The following NEGR1 variants were observed in gnomAD, a reference collection of about 807,000 sequenced individuals.
NEGR1 encodes neuronal growth regulator 1, also known as IgLON family member 4.
Under a neutral mutation model 40.9 loss-of-function variants are expected in NEGR1, and 10 were observed. The ratio of observed to expected loss-of-function variants is 0.24; its 90% CI spans 0.15 to 0.42. NEGR1 has a LOEUF of 0.42. Ranked by LOEUF, NEGR1 falls within the 10% of genes least tolerant of loss-of-function variation. The pLI, the probability that NEGR1 is intolerant of heterozygous loss-of-function variation, is 1.00. For synonymous variants in NEGR1, 185 were observed against 166.8 expected (o/e 1.11, Z -0.84); for missense variants, 352 against 438.9 (o/e 0.80, Z 1.77).
chr1:72,141,362 G>T (rs1251949067), intron 1 of NEGR1, among the ~76,000 whole-genome samples: 2 of 151,932 alleles, frequency 1.3e-5, no homozygotes, highest in Non-Finnish European at 2.9e-5. Flanking sequence ...TTCCAGTCAT[G>T]ACATGGTATG....
chr1:71,793,362 G>A (rs1657190790), intron 2 of NEGR1, among the ~76,000 whole-genome samples: 1 of 105,166 alleles, frequency 9.5e-6, no homozygotes, highest in Non-Finnish European at 2.0e-5. Context: ...GCCCGCCTCG[G>A]CCTCCCAAAG....
intron 1 of NEGR1, among the ~76,000 whole-genome samples, chr1:72,073,933 AT>A (rs1448329687): frequency 6.6e-6 from 1 of 152,136 alleles, no homozygotes; most frequent in Non-Finnish European, 1.5e-5. Flanking sequence ...ATGATACTGG[AT>A]GCAGGAATAT....
intron 3 of NEGR1, among the ~76,000 whole-genome samples, chr1:71,761,893 A>T (rs549046472): frequency 2.6e-5 from 4 of 152,106 alleles, no homozygotes; most frequent in Non-Finnish European, 5.9e-5. Context: ...TAAAAATATA[A>T]AAGATAGGTA....
chr1:71,771,976 A>G (rs1327675538), intron 3 of NEGR1, among the ~76,000 whole-genome samples: 1 of 152,084 alleles, frequency 6.6e-6, no homozygotes, highest in Admixed American at 6.5e-5. Context: ...CTCCCTACAG[A>G]CTGTTTATTG....
chr1:71,431,216 A>G (rs1000191561), intron 6 of NEGR1, among the ~76,000 whole-genome samples: 2 of 152,006 alleles, frequency 1.3e-5, no homozygotes, highest in African/African-American at 4.8e-5. Context: ...GTAAAAATGT[A>G]TCTGGAAATA....
At chr1:71,896,200 G>T (rs529923) in intron 2 of NEGR1, among the ~76,000 whole-genome samples, 36,792 of 151,824 alleles carry the variant, frequency 0.24, 5,034 homozygotes, top group East Asian at 0.53. Flanking sequence ...ACCATGCCTG[G>T]CTAATTTTTG....
chr1:71,858,982 C>T (rs1659863742), intron 2 of NEGR1, among the ~76,000 whole-genome samples: 1 of 152,018 alleles, frequency 6.6e-6, no homozygotes, highest in Non-Finnish European at 1.5e-5. Context: ...GTCGTTCCTC[C>T]CTGATTTTGG....
At chr1:71,418,139 G>A (rs918850325) in intron 6 of NEGR1, among the ~76,000 whole-genome samples, 1 of 148,060 alleles carries the variant, frequency 6.8e-6, no homozygotes, top group Non-Finnish European at 1.5e-5. Context: ...TGACTCTTGT[G>A]TTGAGATAGA....
At chr1:72,259,576 C>T (rs1451007943) in intron 1 of NEGR1, among the ~76,000 whole-genome samples, 1 of 151,894 alleles carries the variant, frequency 6.6e-6, no homozygotes, top group Non-Finnish European at 1.5e-5. Flanking sequence ...AAGTTTTTTC[C>T]ATCTGTAATT....
At chr1:71,549,510 G>C (rs1398675246) in intron 6 of NEGR1, among the ~76,000 whole-genome samples, 1 of 151,668 alleles carries the variant, frequency 6.6e-6, no homozygotes, top group East Asian at 2.0e-4. Context: ...GGAGAGGAGA[G>C]CCAAAACTGG....
At chr1:71,605,199 T>A (rs1650041133) in intron 5 of NEGR1, among the ~76,000 whole-genome samples, 2 of 152,166 alleles carry the variant, frequency 1.3e-5, no homozygotes, top group Admixed American at 6.5e-5. Context: ...ATACTTTATT[T>A]TTAATTGACC....
rs553171803 is a variant in NEGR1 at position 71,437,769 on chromosome 1, T to C, written c.941-30199A>G. Reference sequence around the variant, plus strand: ...AATTAAATGCCTTAATTTGTGTTTGTCTAAGATACATTTAAAAGATTTGTT... The same window carrying C: ...AATTAAATGCCTTAATTTGTGTTTGCCTAAGATACATTTAAAAGATTTGTT... On this transcript the variant is annotated intron_variant, in intron 6 of 6. Coordinates refer to ENST00000357731, the MANE Select transcript of NEGR1 (RefSeq NM_173808.3). Among the ~76,000 whole-genome samples, 5 of 152,316 alleles carry C rather than the reference T, an allele frequency of 3.3e-5. No homozygotes were observed. In the South Asian group the frequency reaches 1.0e-3, roughly 32 times the overall value.
At chr1:71,425,627 G>T (rs988034810) in intron 6 of NEGR1, among the ~76,000 whole-genome samples, 1 of 152,032 alleles carries the variant, frequency 6.6e-6, no homozygotes, top group Non-Finnish European at 1.5e-5. Context: ...TTGACCAGAA[G>T]ACCTGTGTGC....
intron 4 of NEGR1, among the ~76,000 whole-genome samples, chr1:71,633,661 T>G (rs1651048382): frequency 6.6e-6 from 1 of 152,120 alleles, no homozygotes; most frequent in African/African-American, 2.4e-5. Context: ...TCTCTCTACC[T>G]CCTTGCTTAC....
At chr1:71,547,404 A>C (rs187134123) in intron 6 of NEGR1, among the ~76,000 whole-genome samples, 1 of 151,454 alleles carries the variant, frequency 6.6e-6, no homozygotes, top group African/African-American at 2.4e-5. Context: ...TACCGGAGTG[A>C]AAAAGGGATA....
chr1:71,856,340 T>C (rs879477915), intron 2 of NEGR1, among the ~76,000 whole-genome samples: 1 of 151,976 alleles, frequency 6.6e-6, no homozygotes, highest in African/African-American at 2.4e-5. Context: ...CATGAAAGAG[T>C]GAGTTATCCT....
chr1:71,685,625 T>G (rs562081728), intron 4 of NEGR1, among the ~76,000 whole-genome samples: 1 of 152,314 alleles, frequency 6.6e-6, no homozygotes, highest in Admixed American at 6.5e-5. Context: ...CCGAGGTTAC[T>G]TTTCTTTAGC....
intron 3 of NEGR1, among the ~76,000 whole-genome samples, chr1:71,773,247 T>C (rs1003841218): frequency 6.6e-6 from 1 of 152,208 alleles, no homozygotes; most frequent in African/African-American, 2.4e-5. Flanking sequence ...AGAATTACCA[T>C]GGGCATTGCT....
At chr1:71,859,118 A>G (rs1014268782) in intron 2 of NEGR1, among the ~76,000 whole-genome samples, 2 of 152,002 alleles carry the variant, frequency 1.3e-5, no homozygotes, top group Non-Finnish European at 2.9e-5. Flanking sequence ...CAAATCAAAA[A>G]CTTCTGATGG....
Sources: allele counts gnomAD v4.1 joint callset (sites outside exome capture counted in the v4.1 genomes callset), GRCh38; gene constraint gnomAD v4.1.1; transcripts MANE v1.5; gene names NCBI Gene and HGNC (gene_info 2026-07-23, HGNC 2026-07-21).